Variants in NPHP1 observed in about 807,000 individuals in gnomAD.
The protein encoded by NPHP1 is nephrocystin 1.
NPHP1 carries 70 observed loss-of-function variants against 90.4 expected under a neutral mutation model. The observed-to-expected ratio is 0.77, with a 90% CI of 0.64 to 0.95. NPHP1 has a LOEUF of 0.95. Ranked by LOEUF, NPHP1 falls within the 40% of genes least tolerant of loss-of-function variation. The probability of loss-of-function intolerance (pLI) is 0.00; values close to 1 mark genes in which losing one functional copy is unlikely to be tolerated. For missense variants in NPHP1, 764 were observed against 795.9 expected, an observed-to-expected ratio of 0.96 and a Z score of 0.48; for synonymous variants, 256 against 271.7, an observed-to-expected ratio of 0.94 and a Z score of 0.57.
At position 110,169,982 on chromosome 2, in the gene NPHP1, C is replaced by T; in HGVS notation, c.346G>A (p.Glu116Lys). The T allele has an allele frequency of 6.2e-7, 1 of 1,612,262 alleles. No homozygotes were observed. The highest frequency in any genetic ancestry group is 8.5e-7 in the Non-Finnish European group (1 of 1,178,448). ...ENITEVGAPTEEEEESESEDS... is the reference protein window; with the variant it reads ...ENITEVGAPTKEEEESESEDS... Reference sequence around the variant, plus strand: ...TCACTTTCACTTTCTTCCTCTTCTTCAGTAGGTGCCCCAACTCTACAAAAA... The same window carrying T: ...TCACTTTCACTTTCTTCCTCTTCTTTAGTAGGTGCCCCAACTCTACAAAAA... The change falls in exon 5 of 20, where the codon GAA (glutamate) becomes AAA (lysine). Residue 116 changes from glutamate (E) to lysine (K), a missense_variant. Glu to Lys is a moderately conservative substitution (Grantham distance 56). Transcript: ENST00000445609.
intron 16 of NPHP1, among the ~76,000 whole-genome samples, chr2:110,138,292 G>A (rs1362595077): frequency 6.6e-6 from 1 of 151,850 alleles, no homozygotes; most frequent in Non-Finnish European, 1.5e-5. Flanking sequence ...TGCACGTTCT[G>A]CACATGTACC....
rs753517219 is a variant in NPHP1 at position 110,165,137 on chromosome 2, C to A, written c.643G>T (p.Glu215Ter). 2 of 1,612,882 alleles carry A rather than the reference C, an allele frequency of 1.2e-6. No homozygotes were observed. The highest frequency in any genetic ancestry group is 1.3e-5 in the African/African-American group (1 of 74,860). The change falls in exon 7 of 20, where the codon GAA becomes TAA. Residue 215 changes from glutamate to a stop codon, truncating the protein, a stop_gained. Transcript: ENST00000445609. LOFTEE classifies it high-confidence loss of function. ...TYLEPYSEEEEGQESSEEGSE... is the reference protein window; with the variant it reads ...TYLEPYSEEE ...CCCTCTTCACTTGACTCTTGGCCTTCTTCTTCTTCACTATAAGGCTAAAAA... is the reference window on the plus strand; with the variant it reads ...CCCTCTTCACTTGACTCTTGGCCTTATTCTTCTTCACTATAAGGCTAAAAA...
intron 3 of NPHP1, 44 bp from the exon 4 acceptor site, chr2:110,178,591 G>C: frequency 6.4e-7 from 1 of 1,571,934 alleles, no homozygotes; most frequent in Non-Finnish European, 8.6e-7. Context: ...ATTAATTTCA[G>C]TTTCCTAATT....
At chr2:110,184,937 A>G (rs1393476733) in intron 2 of NPHP1, 1 of 676,794 alleles carries the variant, frequency 1.5e-6, no homozygotes. Flanking sequence ...GAAGTCAGAC[A>G]TGGACCTGCA....
chr2:110,144,450 G>A (rs781482254), intron 15 of NPHP1, 43 bp downstream of exon 15: 1 of 1,305,590 alleles, frequency 7.7e-7, no homozygotes, highest in South Asian at 1.2e-5. Context: ...GCTTCTATTT[G>A]TTTAATCTTT....
intron 16 of NPHP1, among the ~76,000 whole-genome samples, chr2:110,143,297 C>G (rs1390505256): frequency 6.6e-6 from 1 of 152,044 alleles, no homozygotes; most frequent in Non-Finnish European, 1.5e-5. Flanking sequence ...CCCATTTAGT[C>G]AAGTCTTCTA....
chr2:110,143,771 T>C (rs1375399568), intron 15 of NPHP1, 130 bp from the exon 16 acceptor site: 2 of 709,448 alleles, frequency 2.8e-6, no homozygotes, highest in African/African-American at 1.8e-5. Context: ...GAGTCATCCA[T>C]ATACCCTAAA....
intron 1 of NPHP1, among the ~76,000 whole-genome samples, chr2:110,201,783 T>C (rs1163441431): frequency 1.3e-5 from 2 of 152,148 alleles, no homozygotes; most frequent in Admixed American, 1.3e-4. Context: ...TAAAGTTCAA[T>C]AGTTGATGTA....
In NPHP1 at chr2:110,201,455, G is replaced by A. The variant is rs1396018148; in HGVS notation, c.109C>T (p.Leu37=). Residue 37 remains leucine, a synonymous_variant, in exon 2 of 20, where the codon CTA becomes TTA. Coordinates refer to ENST00000445609, the MANE Select transcript of NPHP1 (RefSeq NM_001128178.3). ...ATATGTTGTCTTTTATTGGGTTCTA[G>A]AGCTTCTTTCAGTTGGCTCTCAGAA... is the stretch of plus-strand genomic sequence containing the variant. The part of the protein sequence containing the change: ...LLSESQLKEA[L]EPNKRQHIYQ... 1 of 1,610,638 alleles carries A rather than the reference G, an allele frequency of 6.2e-7. No homozygotes were observed. The highest frequency in any genetic ancestry group is 1.7e-5 in the Admixed American group (1 of 59,958).
At chr2:110,137,339 T>C (rs866156679) in intron 16 of NPHP1, among the ~76,000 whole-genome samples, 2 of 152,080 alleles carry the variant, frequency 1.3e-5, no homozygotes, top group African/African-American at 2.4e-5. Context: ...CTAATTAAAC[T>C]AAAGAGCTCC....
At position 110,161,620 on chromosome 2, in the gene NPHP1, C is replaced by A. The variant is rs755503853; in HGVS notation, c.937G>T (p.Asp313Tyr). 5 of 1,609,360 alleles carry A rather than the reference C, an allele frequency of 3.1e-6. No homozygotes were observed. Among genetic ancestry groups the A allele is most frequent in the Non-Finnish European group, 4.3e-6 (5 of 1,175,948 alleles). The change falls in exon 10 of 20, where the codon GAT becomes TAT. Residue 313 changes from aspartate to tyrosine, a missense_variant. Physicochemically the swap from Asp to Tyr is radical, Grantham distance 160. Coordinates refer to ENST00000445609, the MANE Select transcript of NPHP1 (RefSeq NM_001128178.3). ...ATACTTACAGTGCCTTCTGTAGCATCCCACATCAGATCTCTGAAGGCCAGT... is the reference window on the plus strand; with the variant it reads ...ATACTTACAGTGCCTTCTGTAGCATACCACATCAGATCTCTGAAGGCCAGT... The part of the protein sequence containing the change: ...SQLAFRDLMW[D>Y]ATEGTIRSRP...
chr2:110,144,360 T>C, intron 15 of NPHP1, 133 bp downstream of exon 15: 1 of 658,748 alleles, frequency 1.5e-6, no homozygotes, highest in East Asian at 2.8e-5. Context: ...TTAAAATTTT[T>C]ATATCAAATG....
chr2:110,161,141 G>A (rs1400968121), intron 10 of NPHP1, among the ~76,000 whole-genome samples: 1 of 152,080 alleles, frequency 6.6e-6, no homozygotes, highest in Admixed American at 6.6e-5. Context: ...CCTCTAGCCT[G>A]GGTGACAGAG....
chr2:110,204,503 G>C (rs961070319), intron 1 of NPHP1, among the ~76,000 whole-genome samples: 2 of 152,136 alleles, frequency 1.3e-5, no homozygotes, highest in Admixed American at 6.5e-5. Context: ...AAGGAAATGG[G>C]CTTGGAAAGT....
chr2:110,178,401 G>A, intron 4 of NPHP1, 22 bp downstream of exon 4: 1 of 1,612,134 alleles, frequency 6.2e-7, no homozygotes, highest in Non-Finnish European at 8.5e-7. Flanking sequence ...AAAGAAAAAA[G>A]AAAGGTAGAA....
intron 2 of NPHP1, among the ~76,000 whole-genome samples, chr2:110,179,942 A>G (rs1683771809): frequency 6.6e-6 from 1 of 152,166 alleles, no homozygotes; most frequent in South Asian, 2.1e-4. Flanking sequence ...TCTCTAAAAT[A>G]AGGAAGAACG....
chr2:110,151,668 T>C (rs1418081200), intron 11 of NPHP1, among the ~76,000 whole-genome samples: 2 of 152,116 alleles, frequency 1.3e-5, no homozygotes, highest in South Asian at 4.1e-4. Flanking sequence ...CTTCCTTCGA[T>C]TGCTAATATA....
rs539363656 is a variant in NPHP1, at chr2:110,179,591, T to G, written c.204+33A>C. ...ATAAAAATACTTGTATAGGAAGAGA[T>G]GTTTTAATAATGTGATTAACCTCAA... On this transcript the variant is annotated intron_variant, in intron 3 of 19. Coordinates refer to ENST00000445609, the MANE Select transcript of NPHP1 (RefSeq NM_001128178.3). The G allele has an allele frequency of 1.6e-5, 16 of 978,836 alleles. No homozygotes were observed. In the South Asian group the frequency reaches 2.1e-4, roughly 13 times the overall value. The allele number at this position is 978,836 out of a possible 1,614,324, so 60.6% of individuals were successfully genotyped here. A position where few individuals can be genotyped will look rare whatever the true frequency, so the allele number is the denominator to read the frequency against.
chr2:110,125,863 C>T (rs1014727428), intron 18 of NPHP1, 182 bp from the exon 19 acceptor site: 19 of 630,272 alleles, frequency 3.0e-5, no homozygotes, highest in Non-Finnish European at 4.6e-5. Flanking sequence ...CCAGAATGAC[C>T]AGGCAGATGT....
Sources: gnomAD v4.1 joint callset for allele counts (sites outside exome capture counted in the v4.1 genomes callset) on GRCh38, gnomAD v4.1.1 for gene constraint, MANE v1.5 for transcripts, NCBI Gene and HGNC (gene_info 2026-07-23, HGNC 2026-07-21) for gene names.